Variants in IRS1 observed in about 807,000 individuals in gnomAD.
The protein encoded by IRS1 is insulin receptor substrate 1.
IRS1 carries 34 observed loss-of-function variants against 65.6 expected under a neutral mutation model. That is an observed-to-expected ratio of 0.52 (90% CI 0.39 to 0.69). The LOEUF (loss-of-function observed/expected upper bound fraction) is 0.69. Among genes scored for constraint, IRS1 ranks in the 30% least tolerant of loss-of-function variants. The pLI, the probability that IRS1 is intolerant of heterozygous loss-of-function variation, is 0.00. For missense variants in IRS1, 1,641 were observed against 1,720.2 expected, an observed-to-expected ratio of 0.95 and a Z score of 0.81; for synonymous variants, 699 against 683.5, an observed-to-expected ratio of 1.02 and a Z score of -0.35.
intron 1 of IRS1, among the ~76,000 whole-genome samples, chr2:226,747,963 T>C (rs1559148065): frequency 6.6e-6 from 1 of 152,134 alleles, no homozygotes; most frequent in Non-Finnish European, 1.5e-5. Context: ...GAGAGTCTAC[T>C]GCAACAAATT....
chr2:226,737,125 A>T (rs1938341139), intron 1 of IRS1, among the ~76,000 whole-genome samples: 1 of 123,966 alleles, frequency 8.1e-6, no homozygotes, highest in Admixed American at 1.1e-4. Context: ...CCAGAGTGTG[A>T]TGTTCCCCTT....
chr2:226,765,013 A>G (rs1559151596), intron 1 of IRS1, among the ~76,000 whole-genome samples: 1 of 152,174 alleles, frequency 6.6e-6, no homozygotes, highest in African/African-American at 2.4e-5. Flanking sequence ...TTATACTTCT[A>G]TTTCACTCCT....
intron 1 of IRS1, among the ~76,000 whole-genome samples, chr2:226,791,671 A>C (rs1423518300): frequency 6.6e-6 from 1 of 151,606 alleles, no homozygotes; most frequent in African/African-American, 2.4e-5. Context: ...ACCCGCGGAG[A>C]GCCCCGCCCC....
intron 1 of IRS1, among the ~76,000 whole-genome samples, chr2:226,785,790 T>C (rs1200715508): frequency 6.6e-6 from 1 of 151,814 alleles, no homozygotes; most frequent in Non-Finnish European, 1.5e-5. Flanking sequence ...ATGTGCACAA[T>C]GTGCAGGTTA....
At position 226,797,500 on chromosome 2, in the gene IRS1, A is replaced by G. The variant is rs1939762541; in HGVS notation, c.1239T>C (p.Ser413=). 1.2e-6 allele frequency: 2 copies of G among 1,613,320 alleles called. No individual in the cohort carries two copies. The highest frequency in any genetic ancestry group is 1.7e-6 in the Non-Finnish European group (2 of 1,179,944). ...CGCTGGGGGAACCAGACACCGAAGC[A>G]CTAGATCGCCGTGGGAAGAGACAAT... ...TSDCLFPRRS[S]ASVSGSPSDG... Residue 413 remains serine (S), a synonymous_variant, in exon 1 of 2, where the codon AGT becomes AGC. Transcript: ENST00000305123. This position sits in a 1 kb window ranked among gnomAD's most constrained non-coding sequence, Gnocchi z 8.1.
At chr2:226,792,036 A>G (rs1279903640) in intron 1 of IRS1, 2 of 152,366 alleles carry the variant, frequency 1.3e-5, no homozygotes, top group African/African-American at 4.8e-5. Flanking sequence ...GGGCTGGGGA[A>G]AGGGGAGGGA....
Position 226,796,659 on chromosome 2 carries a change from T to C in IRS1, c.2080A>G (p.Ser694Gly). Residue 694 changes from serine (S) to glycine (G), a missense_variant, in exon 1 of 2, where the codon AGC becomes GGC. Coordinates refer to ENST00000305123, the MANE Select transcript of IRS1 (RefSeq NM_005544.3). ...CCGTTTGTCCACAGCTTTCCATAGC[T>C]GGTCCCGGAAGGGACGGCGTTGCTG... ...SSSNAVPSGT[S>G]YGKLWTNGVG... The C allele has an allele frequency of 6.2e-7, 1 of 1,613,932 alleles. No homozygotes were observed. Among genetic ancestry groups the C allele is most frequent in the African/African-American group, 1.3e-5 (1 of 75,028 alleles).
chr2:226,795,961 C>T lies in IRS1; in HGVS notation c.2778G>A (p.Gln926=), dbSNP rs765557373. The change falls in exon 1 of 2, where the codon CAG becomes CAA. Residue 926 remains glutamine, a synonymous_variant. Coordinates refer to ENST00000305123, the MANE Select transcript of IRS1 (RefSeq NM_005544.3). ...HSSPSVRCPS[Q]LQPAPREEET... ...CTTCCTCTCTGGGAGCTGGCTGGAG[C>T]TGGGATGGACACCTGACAGAAGGTG... is the stretch of plus-strand genomic sequence containing the variant. 11 of 1,614,110 alleles carry T rather than the reference C, an allele frequency of 6.8e-6. No homozygotes were observed. The highest frequency in any genetic ancestry group is 9.3e-6 in the Non-Finnish European group (11 of 1,180,042).
Position 226,796,451 on chromosome 2 carries a change from G to C in IRS1, c.2288C>G (p.Ser763Cys). 6.2e-7 allele frequency: 1 copy of C among 1,613,830 alleles called. No homozygotes were observed. Among genetic ancestry groups the C allele is most frequent in the Non-Finnish European group, 8.5e-7 (1 of 1,180,048 alleles). Residue 763 changes from serine to cysteine, a missense_variant, in exon 1 of 2, where the codon TCC becomes TGC. Physicochemically the swap from Ser to Cys is moderately radical, Grantham distance 112. This residue lies in a region of IRS1 where 1,324 missense variants were observed against 1,361.0 expected (regional missense o/e 0.97). Transcript: ENST00000305123. The stretch of plus-strand genomic sequence containing the variant: ...AAAGGATCTTGGCAATGAGTAGTAG[G>C]AGAGGACTGGCTTGTGCTGGGGGTC... ...PEDPQHKPVL[S>C]YYSLPRSFKH...
In IRS1 at chr2:226,795,857, T is replaced by C; in HGVS notation, c.2882A>G (p.Glu961Gly). The change falls in exon 1 of 2, where the codon GAG becomes GGG. Residue 961 changes from glutamate to glycine, a missense_variant. This residue lies in a region of IRS1 where 1,324 missense variants were observed against 1,361.0 expected (regional missense o/e 0.97). Transcript: ENST00000305123. The stretch of plus-strand genomic sequence containing the variant: ...AGGTGCAGGGCCCAGTCTGCCCATC[T>C]CGACCCCAGTGCTCTCCTGCCAGGC... ...RAAWQESTGVEMGRLGPAPPG... is the reference protein window; with the variant it reads ...RAAWQESTGVGMGRLGPAPPG... The C allele has an allele frequency of 6.2e-7, 1 of 1,613,478 alleles. No individual in the cohort carries two copies. The highest frequency in any genetic ancestry group is 8.5e-7 in the Non-Finnish European group (1 of 1,179,952).
chr2:226,780,719 C>A (rs202012256), intron 1 of IRS1, among the ~76,000 whole-genome samples: 3 of 151,748 alleles, frequency 2.0e-5, no homozygotes, highest in South Asian at 4.2e-4. Flanking sequence ...TTAATTTTAT[C>A]CAAGTTTTTA....
intron 1 of IRS1, among the ~76,000 whole-genome samples, chr2:226,770,976 G>A (rs1371972051): frequency 2.0e-5 from 3 of 152,096 alleles, no homozygotes; most frequent in Non-Finnish European, 2.9e-5. Context: ...CTATGATGAT[G>A]CCACAGCACT....
chr2:226,745,504 G>A (rs908537875), intron 1 of IRS1, among the ~76,000 whole-genome samples: 28 of 152,158 alleles, frequency 1.8e-4, no homozygotes, highest in African/African-American at 6.8e-4. Flanking sequence ...ACTAAGACAA[G>A]TTCCATTATC....
chr2:226,774,127 A>G (rs1419297900), intron 1 of IRS1, among the ~76,000 whole-genome samples: 2 of 152,226 alleles, frequency 1.3e-5, no homozygotes, highest in Non-Finnish European at 2.9e-5. Flanking sequence ...GCCAAGCCTC[A>G]ATGAACTTCA....
Position 226,796,341 on chromosome 2 carries a change from A to G in IRS1, c.2398T>C (p.Tyr800His), listed in dbSNP as rs191333598. Residue 800 changes from tyrosine (Y) to histidine (H), a missense_variant, in exon 1 of 2, where the codon TAT (tyrosine) becomes CAT (histidine). Tyr to His is a moderately conservative substitution (Grantham distance 83). Around this residue, in one of 3 missense-constraint regions of IRS1, gnomAD observed 1,324 missense variants for 1,361.0 expected, o/e 0.97. Coordinates refer to ENST00000305123, the MANE Select transcript of IRS1 (RefSeq NM_005544.3). ...GAAGAATCATCTGCTGTTGCAGCAT[A>G]GAGAAGGCGACCAGAGCTAGTGGAA... Reference protein sequence around the residue: ...RLSTSSGRLLYAATADDSSSS... With the variant: ...RLSTSSGRLLHAATADDSSSS... 192 of 1,613,350 alleles carry G rather than the reference A, an allele frequency of 1.2e-4. 2 individuals are homozygous for G. The East Asian group carries it at 4.0e-3, about 33-fold the overall frequency.
At chr2:226,740,110 G>C (rs1301474309) in intron 1 of IRS1, among the ~76,000 whole-genome samples, 2 of 152,190 alleles carry the variant, frequency 1.3e-5, no homozygotes, top group Non-Finnish European at 2.9e-5. Flanking sequence ...ATTTCCTTAA[G>C]AGAAGACACT....
chr2:226,797,891 G>T lies in IRS1; in HGVS notation c.848C>A (p.Pro283His). Reference protein sequence around the residue: ...SSNCSNPISVPLRRHHLNNPP... With the variant: ...SSNCSNPISVHLRRHHLNNPP... ...ATTGTTGAGATGGTGCCGGCGCAGG[G>T]GGACGCTGATGGGGTTAGAGCAGTT... The change falls in exon 1 of 2, where the codon CCC becomes CAC. Residue 283 changes from proline (P) to histidine (H), a missense_variant. Coordinates refer to ENST00000305123, the MANE Select transcript of IRS1 (RefSeq NM_005544.3). This position sits in a 1 kb window ranked among gnomAD's most constrained non-coding sequence, Gnocchi z 8.1. 6.2e-7 allele frequency: 1 copy of T among 1,611,642 alleles called. No homozygotes were observed. Among genetic ancestry groups the T allele is most frequent in the Non-Finnish European group, 8.5e-7 (1 of 1,178,752 alleles).
At position 226,735,000 on chromosome 2, in the gene IRS1, A is replaced by T. The variant is rs1214760418; in HGVS notation, c.*1272T>A. On this transcript the variant is annotated 3_prime_UTR_variant, in exon 2 of 2. Transcript: ENST00000305123. The stretch of plus-strand genomic sequence containing the variant: ...AATGTAACACTGGAAGTTCTCAAAA[A>T]ATATGAGATAAGGTAAGAGTCTTAG... 6.6e-6 allele frequency: 1 copy of T among 152,224 alleles called. No individual in the cohort carries two copies. Among genetic ancestry groups the T allele is most frequent in the Non-Finnish European group, 1.5e-5 (1 of 68,046 alleles). 9.4% of individuals were successfully genotyped at this position (152,224 alleles called of 1,614,324 possible). A position where few individuals can be genotyped will look rare whatever the true frequency, so the allele number is the denominator to read the frequency against.
At chr2:226,739,309 G>C (rs559130949) in intron 1 of IRS1, among the ~76,000 whole-genome samples, 12 of 152,248 alleles carry the variant, frequency 7.9e-5, no homozygotes, top group Non-Finnish European at 1.8e-4. Context: ...ATAAAGTTTA[G>C]CTACCAAATA....
Sources: gnomAD v4.1 joint callset for allele counts (sites outside exome capture counted in the v4.1 genomes callset) on GRCh38, gnomAD v4.1.1 for gene constraint, gnomAD v4.1.1 regional missense constraint, Gnocchi (gnomAD v3.1) non-coding constraint, MANE v1.5 for transcripts, NCBI Gene and HGNC (gene_info 2026-07-23, HGNC 2026-07-21) for gene names.